Variants in WWOX observed in about 807,000 individuals in gnomAD.
The protein encoded by WWOX is WW domain containing oxidoreductase.
Under a neutral mutation model 46.2 loss-of-function variants are expected in WWOX, and 69 were observed. That is an observed-to-expected ratio of 1.49 (90% CI 1.23 to 1.82). The LOEUF is 1.82. WWOX is among the 40% of genes most tolerant of loss of function. The pLI, the probability that WWOX is intolerant of heterozygous loss-of-function variation, is 0.00. For missense variants in WWOX, 919 were observed against 542.6 expected, an observed-to-expected ratio of 1.69 and a Z score of -6.89; for synonymous variants, 359 against 202.6, an observed-to-expected ratio of 1.77 and a Z score of -6.56.
intron 8 of WWOX, among the ~76,000 whole-genome samples, chr16:78,539,537 G>A (rs921686237): frequency 2.0e-5 from 3 of 152,254 alleles, no homozygotes; most frequent in African/African-American, 7.2e-5. Context: ...CTTGTTGACA[G>A]AAGTAGGACT....
chr16:78,517,044 A>C (rs1182128142), intron 8 of WWOX, among the ~76,000 whole-genome samples: 8 of 152,066 alleles, frequency 5.3e-5, no homozygotes, highest in African/African-American at 1.9e-4. Flanking sequence ...TGTTTGCTTT[A>C]TATAGTTTTT....
chr16:78,331,196 T>C lies in WWOX; in HGVS notation c.517-55664T>C, dbSNP rs1454006910. ...TTTTTGTTGCAACTAAAATATTCATTTGCAGAAATTATCACTGAGGGTGTT... is the reference window on the plus strand; with the variant it reads ...TTTTTGTTGCAACTAAAATATTCATCTGCAGAAATTATCACTGAGGGTGTT... On this transcript the variant is annotated intron_variant, in intron 5 of 8. Transcript: ENST00000566780. Among the ~76,000 whole-genome samples, 3 of 152,338 alleles carry C rather than the reference T, an allele frequency of 2.0e-5. No homozygotes were observed. In the East Asian group the frequency reaches 5.8e-4, roughly 29 times the overall value.
intron 8 of WWOX, among the ~76,000 whole-genome samples, chr16:78,668,356 C>G (rs1163606111): frequency 6.6e-6 from 1 of 152,148 alleles, no homozygotes; most frequent in African/African-American, 2.4e-5. Context: ...GACTTGACTC[C>G]TCTTGGGAAT....
chr16:78,171,259 G>A (rs375562448), intron 5 of WWOX, among the ~76,000 whole-genome samples: 5 of 152,306 alleles, frequency 3.3e-5, no homozygotes, highest in African/African-American at 9.6e-5. Context: ...GGAACGATGG[G>A]TAGGATGCTG....
At chr16:78,644,317 GAT>G (rs1184963707) in intron 8 of WWOX, among the ~76,000 whole-genome samples, 2 of 152,176 alleles carry the variant, frequency 1.3e-5, no homozygotes, top group Non-Finnish European at 2.9e-5. Flanking sequence ...CTGGTGGACA[GAT>G]GGACAGACAC....
intron 8 of WWOX, among the ~76,000 whole-genome samples, chr16:78,721,922 C>T (rs1198040997): frequency 6.6e-6 from 1 of 152,242 alleles, no homozygotes; most frequent in South Asian, 2.1e-4. Context: ...GGAAACCCAA[C>T]TTTGTAAATG....
chr16:78,187,555 A>T (rs1006638343), intron 5 of WWOX, among the ~76,000 whole-genome samples: 1 of 152,172 alleles, frequency 6.6e-6, no homozygotes, highest in Non-Finnish European at 1.5e-5. Context: ...ATGAGCCGAG[A>T]TCGCGCCACT....
rs938325120 is a variant in WWOX, at chr16:78,659,267, C to A, written c.1056+226515C>A. Among the ~76,000 whole-genome samples, 9 of 152,040 alleles carry A rather than the reference C, an allele frequency of 5.9e-5. No homozygotes were observed. In the South Asian group the frequency reaches 1.9e-3, roughly 32 times the overall value. ...TAACTACGTGACTCACAGAGATAAC[C>A]GTGTAGCAGAATCAGGAATTCAGCC... On this transcript the variant is annotated intron_variant, in intron 8 of 8. Transcript: ENST00000566780.
intron 5 of WWOX, among the ~76,000 whole-genome samples, chr16:78,377,627 A>G (rs901650163): frequency 2.0e-5 from 3 of 152,156 alleles, no homozygotes; most frequent in African/African-American, 7.2e-5. Context: ...CCTTCCTTAA[A>G]CTGTTTTTAA....
chr16:78,359,088 C>G (rs2081356867), intron 5 of WWOX, among the ~76,000 whole-genome samples: 1 of 152,026 alleles, frequency 6.6e-6, no homozygotes, highest in African/African-American at 2.4e-5. Context: ...ATAGATAATG[C>G]TTGAGAAAGC....
intron 7 of WWOX, among the ~76,000 whole-genome samples, chr16:78,429,762 C>G (rs1456382782): frequency 6.6e-6 from 1 of 152,058 alleles, no homozygotes; most frequent in Admixed American, 6.6e-5. Flanking sequence ...CTTACATGCA[C>G]AAATATATTT....
intron 8 of WWOX, among the ~76,000 whole-genome samples, chr16:78,763,473 T>A (rs1167988251): frequency 6.6e-6 from 1 of 152,182 alleles, no homozygotes; most frequent in African/African-American, 2.4e-5. Context: ...ATTGGCTCTT[T>A]GGGATAGAGG....
At chr16:78,386,028 A>T (rs1398837866) in intron 5 of WWOX, among the ~76,000 whole-genome samples, 3 of 152,212 alleles carry the variant, frequency 2.0e-5, no homozygotes, top group Admixed American at 6.5e-5. Context: ...CATTGCTTCA[A>T]ATCCCGACCT....
intron 8 of WWOX, among the ~76,000 whole-genome samples, chr16:78,547,999 T>G (rs2044082030): frequency 6.6e-6 from 1 of 151,590 alleles, no homozygotes; most frequent in Non-Finnish European, 1.5e-5. Flanking sequence ...TAAAAACATT[T>G]TAAAAATTAG....
chr16:79,126,352 C>T (rs1215145807), intron 8 of WWOX, among the ~76,000 whole-genome samples: 5 of 152,168 alleles, frequency 3.3e-5, no homozygotes, highest in Middle Eastern at 3.4e-3. Context: ...AATGTCATCT[C>T]GAATTGTAAT....
chr16:78,932,593 G>A (rs1056111203), intron 8 of WWOX, among the ~76,000 whole-genome samples: 1 of 152,220 alleles, frequency 6.6e-6, no homozygotes, highest in Non-Finnish European at 1.5e-5. Flanking sequence ...TTTTCAAGAG[G>A]TGCCGACCAA....
chr16:78,547,172 C>T (rs559834873), intron 8 of WWOX, among the ~76,000 whole-genome samples: 3 of 146,554 alleles, frequency 2.0e-5, no homozygotes, highest in African/African-American at 7.8e-5. Context: ...ACTACCAGGC[C>T]TGTTGGAATG....
intron 5 of WWOX, among the ~76,000 whole-genome samples, chr16:78,219,431 A>C (rs1476994534): frequency 1.3e-5 from 2 of 152,204 alleles, no homozygotes; most frequent in Non-Finnish European, 2.9e-5. Flanking sequence ...GACAAAATGC[A>C]CAGCCAGATA....
At chr16:78,667,584 TG>T (rs1340031875) in intron 8 of WWOX, among the ~76,000 whole-genome samples, 1 of 137,798 alleles carries the variant, frequency 7.3e-6, no homozygotes, top group East Asian at 2.1e-4. Flanking sequence ...GGCAGGAGAA[TG>T]GCATGAACCT....
Sources: gnomAD v4.1 joint callset for allele counts (sites outside exome capture counted in the v4.1 genomes callset) on GRCh38, gnomAD v4.1.1 for gene constraint, MANE v1.5 for transcripts, NCBI Gene and HGNC (gene_info 2026-07-23, HGNC 2026-07-21) for gene names.